Variants in P2RY8 observed in about 807,000 individuals in gnomAD.
P2RY8 encodes S-geranylgeranyl-glutathione receptor P2RY8.
In P2RY8, 6 loss-of-function variants were observed where a neutral mutation model predicts 10.0. The observed-to-expected ratio is 0.60, with a 90% CI of 0.33 to 1.19. P2RY8 has a LOEUF of 1.19. Among genes scored for constraint, P2RY8 ranks in the 50% most tolerant of loss-of-function variants. The pLI, the probability that P2RY8 is intolerant of heterozygous loss-of-function variation, is 0.04. For missense variants in P2RY8, 456 were observed against 542.0 expected (o/e 0.84, Z 1.58); for synonymous variants, 276 against 252.5 (o/e 1.09, Z -0.88).
chrX:1,478,541 C>T (rs752988363), intron 1 of P2RY8, among the ~76,000 whole-genome samples: 41 of 152,012 alleles, frequency 2.7e-4, no homozygotes, highest in Non-Finnish European at 3.5e-4. Flanking sequence ...TGAAGTGGCA[C>T]GATCTCGGCT....
chrX:1,524,757 CCA>C, intron 1 of P2RY8, among the ~76,000 whole-genome samples: 1 of 96,920 alleles, frequency 1.0e-5, no homozygotes, highest in South Asian at 3.2e-4. Flanking sequence ...ATCCATCCAT[CCA>C]TCCATCCATC....
intron 1 of P2RY8, among the ~76,000 whole-genome samples, chrX:1,518,164 G>A (rs1284680713): frequency 1.3e-5 from 2 of 150,830 alleles, no homozygotes; most frequent in Non-Finnish European, 1.5e-5. Context: ...GGTGGCTCAC[G>A]CCCGTCATCT....
chrX:1,480,504 C>G (rs1365069695), intron 1 of P2RY8, among the ~76,000 whole-genome samples: 1 of 108,992 alleles, frequency 9.2e-6, no homozygotes. Context: ...CCTTCTGTCT[C>G]AGCCTCCTGT....
In P2RY8 at chrX:1,466,031, G is replaced by T; in HGVS notation, c.528C>A (p.Phe176Leu). ...PVHALGIITC[F>L]DVLKWTMLPS... is the part of the protein sequence containing the mutation. ...GGAGCATCGTCCACTTGAGGACGTCGAAGCAGGTGATGATGCCCAGGGCGT... is the reference window on the plus strand; with the variant it reads ...GGAGCATCGTCCACTTGAGGACGTCTAAGCAGGTGATGATGCCCAGGGCGT... The change falls in exon 2 of 2, where the codon TTC (phenylalanine) becomes TTA (leucine). Residue 176 changes from phenylalanine (F) to leucine (L), a missense_variant. Physicochemically the swap from Phe to Leu is conservative, Grantham distance 22. Coordinates refer to ENST00000381297, the MANE Select transcript of P2RY8 (RefSeq NM_178129.5). 2 of 1,611,922 alleles carry T rather than the reference G, an allele frequency of 1.2e-6. No homozygotes were observed. The highest frequency in any genetic ancestry group is 1.7e-6 in the Non-Finnish European group (2 of 1,179,764).
At chrX:1,483,752 A>C (rs1467963041) in intron 1 of P2RY8, among the ~76,000 whole-genome samples, 2 of 152,142 alleles carry the variant, frequency 1.3e-5, no homozygotes, top group Admixed American at 1.3e-4. Context: ...CCTTAGACCC[A>C]GAGCTGAGCT....
rs770290247 is a variant in P2RY8, at chrX:1,464,311, G to C, written c.*1168C>G. 2 of 233,410 alleles carry C rather than the reference G, an allele frequency of 8.6e-6. No individual in the cohort carries two copies. The highest frequency in any genetic ancestry group is 2.2e-5 in the African/African-American group (1 of 45,370). The allele number at this position is 233,410 out of a possible 1,614,324, so 14.5% of individuals were successfully genotyped here. ...GTTGGGGCTGGTGCAGGCACATGCC[G>C]TGTAGAAGAAGACAGACAAAGACCC... On this transcript the variant is annotated 3_prime_UTR_variant, in exon 2 of 2. Transcript: ENST00000381297.
At position 1,465,793 on chromosome X, in the gene P2RY8, C is replaced by A. The variant is rs754025511; in HGVS notation, c.766G>T (p.Val256Leu). Reference sequence around the variant, plus strand: ...CGGCTCACGATGTGCGCCAGGAGCACGAAGTTGTTGGGGGCGAAGCAGGTG... The same window carrying A: ...CGGCTCACGATGTGCGCCAGGAGCAAGAAGTTGTTGGGGGCGAAGCAGGTG... ...FVTCFAPNNFVLLAHIVSRLF... is the reference protein window; with the variant it reads ...FVTCFAPNNFLLLAHIVSRLF... Residue 256 changes from valine (V) to leucine (L), a missense_variant, in exon 2 of 2, where the codon GTG becomes TTG. Val to Leu is a conservative substitution (Grantham distance 32, BLOSUM62 1). Transcript: ENST00000381297. 1 of 1,613,436 alleles carries A rather than the reference C, an allele frequency of 6.2e-7. No homozygotes were observed. The highest frequency in any genetic ancestry group is 1.1e-5 in the South Asian group (1 of 91,084).
Position 1,465,675 on chromosome X carries a change from A to G in P2RY8, c.884T>C (p.Phe295Ser). Residue 295 changes from phenylalanine to serine, a missense_variant, in exon 2 of 2, where the codon TTT (phenylalanine) becomes TCT (serine). Coordinates refer to ENST00000381297, the MANE Select transcript of P2RY8 (RefSeq NM_178129.5). ...NNCLDPFVYYFASREFQLRLR... is the reference protein window; with the variant it reads ...NNCLDPFVYYSASREFQLRLR... The stretch of plus-strand genomic sequence containing the variant: ...GCGCAGCTGGAATTCCCGGGACGCA[A>G]AGTAATAAACAAACGGGTCCAGACA... The G allele has an allele frequency of 1.2e-6, 2 of 1,613,630 alleles. No individual in the cohort carries two copies. Among genetic ancestry groups the G allele is most frequent in the Non-Finnish European group, 1.7e-6 (2 of 1,179,824 alleles).
intron 1 of P2RY8, among the ~76,000 whole-genome samples, chrX:1,471,598 C>T (rs184242188): frequency 3.6e-4 from 55 of 152,102 alleles, no homozygotes; most frequent in East Asian, 2.9e-3. Flanking sequence ...TGAGCCACCG[C>T]GCCTGGCGTG....
At chrX:1,525,558 A>G (rs1415560148) in intron 1 of P2RY8, among the ~76,000 whole-genome samples, 2 of 152,156 alleles carry the variant, frequency 1.3e-5, no homozygotes, top group African/African-American at 4.8e-5. Context: ...ATTCGGGGCA[A>G]TTGACTGGAA....
At chrX:1,512,651 A>G (rs1447898297) in intron 1 of P2RY8, among the ~76,000 whole-genome samples, 1 of 151,980 alleles carries the variant, frequency 6.6e-6, no homozygotes, top group Admixed American at 6.6e-5. Context: ...CCTCGCAATC[A>G]TGGCGGAAGG....
intron 1 of P2RY8, among the ~76,000 whole-genome samples, chrX:1,491,262 G>A (rs1380516458): frequency 5.3e-5 from 8 of 151,820 alleles, no homozygotes; most frequent in Admixed American, 3.9e-4. Context: ...ATTCACTTCT[G>A]CAAATGTAGA....
intron 1 of P2RY8, among the ~76,000 whole-genome samples, chrX:1,499,202 C>G (rs1323278721): frequency 7.0e-6 from 1 of 142,416 alleles, no homozygotes; most frequent in Admixed American, 7.2e-5. Flanking sequence ...CACTCTTGTC[C>G]CCCAGGCTGG....
intron 1 of P2RY8, among the ~76,000 whole-genome samples, chrX:1,482,187 GTGTA>G (rs753844618): frequency 1.5e-5 from 2 of 133,798 alleles, no homozygotes; most frequent in African/African-American, 2.7e-5. Flanking sequence ...GTGTGTGTGT[GTGTA>G]TGGGTGAGGA....
At chrX:1,510,145 A>AT (rs2092288488) in intron 1 of P2RY8, among the ~76,000 whole-genome samples, 1 of 152,092 alleles carries the variant, frequency 6.6e-6, no homozygotes, top group African/African-American at 2.4e-5. Flanking sequence ...ATATCTATGT[A>AT]TTACCTATCT....
At chrX:1,467,188 A>G (rs1166082442) in intron 1 of P2RY8, among the ~76,000 whole-genome samples, 4 of 151,996 alleles carry the variant, frequency 2.6e-5, no homozygotes, top group African/African-American at 9.7e-5. Flanking sequence ...TCAGCAGAAA[A>G]CACACACTCC....
intron 1 of P2RY8, among the ~76,000 whole-genome samples, chrX:1,491,302 C>A (rs1333313547): frequency 6.6e-6 from 1 of 152,020 alleles, no homozygotes; most frequent in Non-Finnish European, 1.5e-5. Context: ...CCAGATATTC[C>A]CCACAAATGT....
rs774515433 is a variant in P2RY8, at chrX:1,512,634, A to G, written c.-25+24287T>C. Among the ~76,000 whole-genome samples the G allele has an allele frequency of 1.6e-4, 25 of 151,760 alleles. No homozygotes were observed. The South Asian group carries it at 4.2e-3, about 25-fold the overall frequency. ...AATGGACTCACAGTTCCACATGGCTAGGGAGACCTCGCAATCATGGCGGAA... is the reference window on the plus strand; with the variant it reads ...AATGGACTCACAGTTCCACATGGCTGGGGAGACCTCGCAATCATGGCGGAA... On this transcript the variant is annotated intron_variant, in intron 1 of 1. Coordinates refer to ENST00000381297, the MANE Select transcript of P2RY8 (RefSeq NM_178129.5).
In P2RY8 at chrX:1,504,899, G is replaced by A. The variant is rs182365042; in HGVS notation, c.-25+32022C>T. 3.1e-3 allele frequency among the ~76,000 whole-genome samples: 466 copies of A among 152,216 alleles called. 7 individuals are homozygous for A. The highest frequency in any genetic ancestry group is 9.2e-3 in the Admixed American group (140 of 15,278). Reference sequence around the variant, plus strand: ...TGTCATCCCAGCACTTTGGGAAGCCGAGGCGGGTGGATCACAAGGTCAGGA... The same window carrying A: ...TGTCATCCCAGCACTTTGGGAAGCCAAGGCGGGTGGATCACAAGGTCAGGA... On this transcript the variant is annotated intron_variant, in intron 1 of 1. Transcript: ENST00000381297.
Sources: allele counts gnomAD v4.1 joint callset (sites outside exome capture counted in the v4.1 genomes callset), GRCh38; gene constraint gnomAD v4.1.1; transcripts MANE v1.5; gene names NCBI Gene and HGNC (gene_info 2026-07-23, HGNC 2026-07-21).